Variants in ELP3 observed in about 807,000 individuals in gnomAD.
The protein encoded by ELP3 is elongator acetyltransferase complex subunit 3, also known as elongator complex protein 3.
In ELP3, 56 loss-of-function variants were observed where a neutral mutation model predicts 74.9. That is an observed-to-expected ratio of 0.75 (90% CI 0.60 to 0.93). The LOEUF (loss-of-function observed/expected upper bound fraction) is 0.93. Among genes scored for constraint, ELP3 ranks in the 40% least tolerant of loss-of-function variants. ELP3 has a pLI of 0.00. For synonymous variants in ELP3, 222 were observed against 239.8 expected, an observed-to-expected ratio of 0.93 and a Z score of 0.68; for missense variants, 573 against 686.5, an observed-to-expected ratio of 0.83 and a Z score of 1.85.
intron 10 of ELP3, among the ~76,000 whole-genome samples, chr8:28,144,939 G>T (rs1813376035): frequency 6.6e-6 from 1 of 152,154 alleles, no homozygotes; most frequent in African/African-American, 2.4e-5. Flanking sequence ...CTACTTGGGA[G>T]GCTGAGGCAG....
At chr8:28,111,576 C>T (rs963505617) in intron 6 of ELP3, among the ~76,000 whole-genome samples, 3 of 152,166 alleles carry the variant, frequency 2.0e-5, no homozygotes, top group Non-Finnish European at 4.4e-5. Context: ...ACAGGATTGT[C>T]GGTGACAGGA....
At chr8:28,105,212 T>G (rs1392927925) in intron 3 of ELP3, among the ~76,000 whole-genome samples, 2 of 150,554 alleles carry the variant, frequency 1.3e-5, no homozygotes, top group African/African-American at 4.9e-5. Context: ...CAAAACCCTG[T>G]CTCTACTAAA....
intron 3 of ELP3, among the ~76,000 whole-genome samples, chr8:28,102,875 A>G (rs2130364446): frequency 6.6e-6 from 1 of 152,232 alleles, no homozygotes; most frequent in Non-Finnish European, 1.5e-5. Context: ...CTACCCTAAA[A>G]TCTCCTATTT....
At chr8:28,187,067 C>T (rs1016650391) in intron 14 of ELP3, among the ~76,000 whole-genome samples, 3 of 152,172 alleles carry the variant, frequency 2.0e-5, no homozygotes, top group African/African-American at 4.8e-5. Context: ...TCTCCTCACT[C>T]CCAGGCAGTG....
intron 11 of ELP3, among the ~76,000 whole-genome samples, chr8:28,157,289 C>CAA (rs35938340): frequency 0.12 from 12,617 of 106,530 alleles, 1,070 homozygotes; most frequent in East Asian, 0.31. Context: ...AAAAGCATGC[C>CAA]AAAAAAAAAA....
chr8:28,127,338 A>C (rs1219087912), intron 7 of ELP3, among the ~76,000 whole-genome samples: 5 of 152,198 alleles, frequency 3.3e-5, no homozygotes, highest in African/African-American at 1.2e-4. Flanking sequence ...AGCTACTATT[A>C]TGCCACCACG....
intron 10 of ELP3, among the ~76,000 whole-genome samples, chr8:28,140,581 T>A (rs28372596): frequency 0.016 from 2,466 of 152,270 alleles, 67 homozygotes; most frequent in African/African-American, 0.055. Flanking sequence ...AGTGAAAAAT[T>A]TGAGTTGCCC....
intron 14 of ELP3, among the ~76,000 whole-genome samples, chr8:28,184,460 A>G (rs940711926): frequency 6.6e-6 from 1 of 152,154 alleles, no homozygotes; most frequent in South Asian, 2.1e-4. Flanking sequence ...GAAAGGAAAA[A>G]GTAGAAGGCC....
chr8:28,122,831 GTA>G (rs1812425785), intron 7 of ELP3, among the ~76,000 whole-genome samples: 1 of 152,048 alleles, frequency 6.6e-6, no homozygotes, highest in African/African-American at 2.4e-5. Context: ...ATTTAATAAG[GTA>G]TAAAAGCTTG....
chr8:28,150,238 ACT>A (rs1469963084), intron 10 of ELP3, among the ~76,000 whole-genome samples: 4 of 152,088 alleles, frequency 2.6e-5, no homozygotes, highest in African/African-American at 7.2e-5. Flanking sequence ...TATTGAACAA[ACT>A]CTGTTAGATC....
At position 28,138,153 on chromosome 8, in the gene ELP3, C is replaced by T. The variant is rs115091545; in HGVS notation, c.1100+262C>T. On this transcript the variant is annotated intron_variant, in intron 10 of 14. Coordinates refer to ENST00000256398, the MANE Select transcript of ELP3 (RefSeq NM_018091.6). ...GGTCAATAGGCATGGTGCTTGCTTC[C>T]GAGCAGCTTATGGTCTAGTTCAGTG... is the stretch of plus-strand genomic sequence containing the variant. Among the ~76,000 whole-genome samples the T allele has an allele frequency of 6.1e-3, 930 of 152,236 alleles. 10 individuals carry two copies. The highest frequency in any genetic ancestry group is 0.021 in the African/African-American group (882 of 41,528).
intron 14 of ELP3, among the ~76,000 whole-genome samples, chr8:28,188,711 A>G (rs1465977682): frequency 6.6e-6 from 1 of 152,118 alleles, no homozygotes; most frequent in African/African-American, 2.4e-5. Context: ...ATCTTTTATC[A>G]TATCCTGTAA....
intron 3 of ELP3, among the ~76,000 whole-genome samples, chr8:28,103,011 A>C (rs989480939): frequency 6.6e-6 from 1 of 152,048 alleles, no homozygotes; most frequent in Non-Finnish European, 1.5e-5. Context: ...CTCTACTAAA[A>C]ATACAAAAAT....
At chr8:28,128,318 A>G (rs1460011260) in intron 7 of ELP3, among the ~76,000 whole-genome samples, 3 of 152,116 alleles carry the variant, frequency 2.0e-5, no homozygotes, top group Non-Finnish European at 2.9e-5. Context: ...TACTAAAAAT[A>G]CAAAAAAATT....
rs1814019479 is a variant in ELP3 at position 28,160,312 on chromosome 8, G to A, written c.1341G>A (p.Leu447=). The A allele has an allele frequency of 6.2e-7, 1 of 1,614,030 alleles. No individual in the cohort carries two copies. Among genetic ancestry groups the A allele is most frequent in the Non-Finnish European group, 8.5e-7 (1 of 1,180,018 alleles). Residue 447 remains leucine (L), a synonymous_variant, in exon 13 of 15, where the codon TTG becomes TTA. Transcript: ENST00000256398. The stretch of plus-strand genomic sequence containing the variant: ...ACGAAGACCCAGATCAAGACATTTT[G>A]ATTGGCCTCCTACGATTACGCAAGT... The part of the protein sequence containing the change: ...LSYEDPDQDI[L]IGLLRLRKCS...
At chr8:28,131,308 G>A (rs990866729) in intron 8 of ELP3, among the ~76,000 whole-genome samples, 2 of 152,202 alleles carry the variant, frequency 1.3e-5, no homozygotes, top group South Asian at 2.1e-4. Flanking sequence ...TGATCAAAAT[G>A]TTCTGTGCCT....
chr8:28,126,323 C>T (rs770616407), intron 7 of ELP3, among the ~76,000 whole-genome samples: 1 of 152,100 alleles, frequency 6.6e-6, no homozygotes. Flanking sequence ...TCTCTTCACC[C>T]CTGCTCCACA....
At chr8:28,160,880 A>G (rs956882267) in intron 13 of ELP3, among the ~76,000 whole-genome samples, 3 of 152,150 alleles carry the variant, frequency 2.0e-5, no homozygotes, top group African/African-American at 7.2e-5. Flanking sequence ...TTTTTAGTAG[A>G]GATGGGGTTT....
chr8:28,188,350 G>T (rs1468489846), intron 14 of ELP3, among the ~76,000 whole-genome samples: 1 of 119,280 alleles, frequency 8.4e-6, no homozygotes, highest in African/African-American at 2.7e-5. Context: ...CTGAGCTGCA[G>T]GGGTTCAAGG....
Sources: gnomAD v4.1 joint callset for allele counts (sites outside exome capture counted in the v4.1 genomes callset) on GRCh38, gnomAD v4.1.1 for gene constraint, MANE v1.5 for transcripts, NCBI Gene and HGNC (gene_info 2026-07-23, HGNC 2026-07-21) for gene names.